Variants in CSMD1 observed in about 807,000 individuals in gnomAD.
The protein encoded by CSMD1 is CUB and sushi domain-containing protein 1.
Under a neutral mutation model 417.5 loss-of-function variants are expected in CSMD1, and 213 were observed. That is an observed-to-expected ratio of 0.51 (90% confidence interval 0.46 to 0.57). The LOEUF (loss-of-function observed/expected upper bound fraction) is 0.57. CSMD1 is among the 20% of genes least tolerant of loss of function. CSMD1 has a pLI of 0.00. For synonymous variants in CSMD1, 2,862 were observed against 1,736.8 expected (o/e 1.65, Z -16.11); for missense variants, 6,923 against 4,529.7 (o/e 1.53, Z -15.17).
intron 3 of CSMD1, among the ~76,000 whole-genome samples, chr8:4,126,816 G>A (rs1237811417): frequency 1.3e-5 from 2 of 152,224 alleles, no homozygotes; most frequent in South Asian, 2.1e-4. Flanking sequence ...CTAACCTGGG[G>A]TAGGAGATGT....
chr8:4,953,322 C>T (rs146701360), intron 1 of CSMD1, among the ~76,000 whole-genome samples: 2 of 152,058 alleles, frequency 1.3e-5, no homozygotes, highest in Non-Finnish European at 2.9e-5. Context: ...CACAATTGAA[C>T]TTGTTGTAAC....
intron 3 of CSMD1, among the ~76,000 whole-genome samples, chr8:4,404,830 T>C (rs1054813217): frequency 1.3e-5 from 2 of 152,112 alleles, no homozygotes; most frequent in Non-Finnish European, 2.9e-5. Context: ...AGTGAGGCAA[T>C]AACAACAACA....
intron 5 of CSMD1, among the ~76,000 whole-genome samples, chr8:3,835,452 G>A (rs546811233): frequency 6.6e-6 from 1 of 152,042 alleles, no homozygotes; most frequent in South Asian, 2.1e-4. Context: ...ATCATTCTCA[G>A]CAAACTACCG....
At chr8:4,705,566 T>C (rs1434711220) in intron 1 of CSMD1, among the ~76,000 whole-genome samples, 2 of 152,206 alleles carry the variant, frequency 1.3e-5, no homozygotes, top group African/African-American at 4.8e-5. Context: ...ATTTCTTTTT[T>C]GACTGAAAGG....
At chr8:4,389,756 G>T (rs889279674) in intron 3 of CSMD1, among the ~76,000 whole-genome samples, 1 of 151,720 alleles carries the variant, frequency 6.6e-6, no homozygotes, top group Non-Finnish European at 1.5e-5. Flanking sequence ...CAAATATATT[G>T]TTTGCTTCTT....
At chr8:4,831,183 A>T (rs1800129736) in intron 1 of CSMD1, among the ~76,000 whole-genome samples, 1 of 152,196 alleles carries the variant, frequency 6.6e-6, no homozygotes, top group Admixed American at 6.5e-5. Context: ...GAATCTGAAA[A>T]ATGCAACTAT....
At chr8:4,059,916 A>G (rs995779495) in intron 3 of CSMD1, among the ~76,000 whole-genome samples, 22 of 152,040 alleles carry the variant, frequency 1.4e-4, no homozygotes, top group African/African-American at 5.3e-4. Context: ...CAATAGAAAA[A>G]GAGGGAATCC....
intron 5 of CSMD1, among the ~76,000 whole-genome samples, chr8:3,889,837 T>C (rs1806835053): frequency 6.6e-6 from 1 of 152,070 alleles, no homozygotes; most frequent in Non-Finnish European, 1.5e-5. Context: ...TTTGACTATT[T>C]TGTATTCATG....
At chr8:4,733,189 C>T (rs1161116626) in intron 1 of CSMD1, among the ~76,000 whole-genome samples, 1 of 152,132 alleles carries the variant, frequency 6.6e-6, no homozygotes, top group Non-Finnish European at 1.5e-5. Context: ...AAAGCGAAAC[C>T]ATGTTGAACA....
intron 23 of CSMD1, among the ~76,000 whole-genome samples, chr8:3,336,281 C>T (rs1289042694): frequency 6.6e-6 from 1 of 152,108 alleles, no homozygotes; most frequent in Non-Finnish European, 1.5e-5. Context: ...TGAGTGTTTC[C>T]AAGGCCCCTG....
intron 28 of CSMD1, among the ~76,000 whole-genome samples, chr8:3,222,505 C>T (rs1171719272): frequency 2.6e-5 from 4 of 152,002 alleles, no homozygotes; most frequent in African/African-American, 9.7e-5. Flanking sequence ...GTGATGGAGT[C>T]TTGCTGTGTT....
intron 7 of CSMD1, among the ~76,000 whole-genome samples, chr8:3,707,388 C>T (rs924995706): frequency 7.2e-5 from 11 of 152,228 alleles, no homozygotes; most frequent in South Asian, 6.2e-4. Flanking sequence ...TGCACAGATG[C>T]AAAACACCGG....
intron 2 of CSMD1, among the ~76,000 whole-genome samples, chr8:4,631,797 A>G (rs907814250): frequency 1.3e-5 from 2 of 152,208 alleles, no homozygotes; most frequent in African/African-American, 4.8e-5. Context: ...GCAGAAAATT[A>G]GGGGTAATCT....
In CSMD1 at chr8:3,366,960, A is replaced by C. The variant is rs568512782; in HGVS notation, c.3115+72T>G. On this transcript the variant is annotated intron_variant, in intron 20 of 69. Transcript: ENST00000635120. ...ACACATTACACACACACACACACCCACACACATTCTCACTAACAGAAATGG... is the reference window on the plus strand; with the variant it reads ...ACACATTACACACACACACACACCCCCACACATTCTCACTAACAGAAATGG... 5.1e-6 allele frequency: 6 copies of C among 1,166,526 alleles called. 1 individual carries two copies. In the South Asian group the frequency reaches 6.6e-5, roughly 13 times the overall value. 72.3% of individuals were successfully genotyped at this position (1,166,526 alleles called of 1,614,324 possible). A position where few individuals can be genotyped will look rare whatever the true frequency, so the allele number is the denominator to read the frequency against.
intron 3 of CSMD1, among the ~76,000 whole-genome samples, chr8:4,115,458 G>A (rs1802084061): frequency 6.6e-6 from 1 of 152,046 alleles, no homozygotes; most frequent in East Asian, 1.9e-4. Context: ...GTATGCCTGT[G>A]TTTTTATATA....
intron 5 of CSMD1, among the ~76,000 whole-genome samples, chr8:3,855,433 A>C (rs185020333): frequency 6.6e-6 from 1 of 152,106 alleles, no homozygotes; most frequent in Admixed American, 6.5e-5. Context: ...AAAACAAAAA[A>C]GTTTAAATAT....
At chr8:3,568,044 C>T (rs975637763) in intron 10 of CSMD1, among the ~76,000 whole-genome samples, 1 of 152,142 alleles carries the variant, frequency 6.6e-6, no homozygotes, top group Non-Finnish European at 1.5e-5. Flanking sequence ...ATTAGAATTA[C>T]ATGTGCTTCA....
chr8:4,374,804 T>C (rs34096231), intron 3 of CSMD1, among the ~76,000 whole-genome samples: 1 of 151,824 alleles, frequency 6.6e-6, no homozygotes, highest in Non-Finnish European at 1.5e-5. Context: ...CAGGAGAGGA[T>C]GGCAGGAAAA....
At chr8:4,510,734 T>C (rs73180937) in intron 2 of CSMD1, among the ~76,000 whole-genome samples, 40,714 of 126,758 alleles carry the variant, frequency 0.32, 6,552 homozygotes, top group East Asian at 0.44. Context: ...CCTTGCCTCC[T>C]CTCTTCCTTC....
Sources: gnomAD v4.1 joint callset for allele counts (sites outside exome capture counted in the v4.1 genomes callset) on GRCh38, gnomAD v4.1.1 for gene constraint, MANE v1.5 for transcripts, NCBI Gene and HGNC (gene_info 2026-07-23, HGNC 2026-07-21) for gene names.